BDH2: variants seen among roughly 807,000 people sequenced by gnomAD.
BDH2 encodes the protein 3-hydroxybutyrate dehydrogenase 2, also known as dehydrogenase/reductase SDR family member 6.
Under a neutral mutation model 33.2 loss-of-function variants are expected in BDH2, and 24 were observed. The ratio of observed to expected loss-of-function variants is 0.72; its 90% CI spans 0.52 to 1.02. BDH2 has a LOEUF of 1.02. Ranked by LOEUF, BDH2 falls within the 50% of genes least tolerant of loss-of-function variation. The probability of loss-of-function intolerance (pLI) is 0.00; values close to 1 mark genes in which losing one functional copy is unlikely to be tolerated. For synonymous variants in BDH2, 81 were observed against 101.6 expected (o/e 0.80, Z 1.22); for missense variants, 249 against 301.6 (o/e 0.83, Z 1.29).
At chr4:103,081,764 C>T (rs1190209521) in intron 9 of BDH2, among the ~76,000 whole-genome samples, 1 of 152,198 alleles carries the variant, frequency 6.6e-6, no homozygotes, top group African/African-American at 2.4e-5. Flanking sequence ...AATTTTTTGA[C>T]TTGCATTTAA....
chr4:103,090,006 G>A (rs1578505920), intron 5 of BDH2, among the ~76,000 whole-genome samples: 1 of 152,156 alleles, frequency 6.6e-6, no homozygotes, highest in African/African-American at 2.4e-5. Flanking sequence ...TTAACATTAG[G>A]TTGAATATTC....
Position 103,079,745 on chromosome 4 carries a change from A to C in BDH2, c.695T>G (p.Val232Gly), listed in dbSNP as rs1385969422. The change falls in exon 10 of 10, where the codon GTA becomes GGA. Residue 232 changes from valine to glycine, a missense_variant. Physicochemically the swap from Val to Gly is moderately radical, Grantham distance 109. Coordinates refer to ENST00000296424, the MANE Select transcript of BDH2 (RefSeq NM_020139.4). Reference protein sequence around the residue: ...VYLASDESAYVTGNPVIIDGG... With the variant: ...VYLASDESAYGTGNPVIIDGG... ...ATCAATGATGACAGGGTTACCAGTT[A>C]CATAAGCAGACTGCAGTGATAAACA... 7 of 1,613,732 alleles carry C rather than the reference A, an allele frequency of 4.3e-6. No homozygotes were observed. The South Asian group carries it at 7.7e-5, about 18-fold the overall frequency.
At chr4:103,086,359 G>A in intron 6 of BDH2, 121 bp downstream of exon 6, 1 of 1,380,602 alleles carries the variant, frequency 7.2e-7, no homozygotes, top group South Asian at 1.9e-5. Context: ...TTTGAAAAAA[G>A]CAGTTTTGAA....
chr4:103,093,347 C>T (rs2125810240), intron 3 of BDH2, among the ~76,000 whole-genome samples: 1 of 151,860 alleles, frequency 6.6e-6, no homozygotes, highest in East Asian at 1.9e-4. Context: ...CAGTCAAATA[C>T]ATGTATTTCT....
At position 103,096,215 on chromosome 4, in the gene BDH2, C is replaced by A. The variant is rs141115735; in HGVS notation, c.40G>T (p.Ala14Ser). The A allele has an allele frequency of 3.9e-5, 63 of 1,613,680 alleles. No individual in the cohort carries two copies. Among genetic ancestry groups the A allele is most frequent in the Non-Finnish European group, 5.1e-5 (60 of 1,179,688 alleles). Reference sequence around the variant, plus strand: ...GCTGCTTGGCCAATCCCCTGAGCAGCGGCCGTCAGGATGATGACTTTCCCA... The same window carrying A: ...GCTGCTTGGCCAATCCCCTGAGCAGAGGCCGTCAGGATGATGACTTTCCCA... ...LDGKVIILTA[A>S]AQGIGQAAAL... is the part of the protein sequence containing the mutation. Residue 14 changes from alanine (A) to serine (S), a missense_variant, in exon 2 of 10, where the codon GCT (alanine) becomes TCT (serine). Transcript: ENST00000296424.
chr4:103,085,222 T>G, intron 7 of BDH2, 127 bp downstream of exon 7: 1 of 690,188 alleles, frequency 1.4e-6, no homozygotes, highest in East Asian at 2.8e-5. Flanking sequence ...TCATTTTATC[T>G]GTTGCAACTA....
chr4:103,094,395 T>G (rs558379634), intron 3 of BDH2, among the ~76,000 whole-genome samples: 1 of 152,312 alleles, frequency 6.6e-6, no homozygotes, highest in East Asian at 1.9e-4. Context: ...TGAAATTTGC[T>G]AAGAGGGTAG....
chr4:103,082,187 C>G lies in BDH2; in HGVS notation c.592-14G>C. The G allele has an allele frequency of 6.2e-7, 1 of 1,607,780 alleles. No homozygotes were observed. The highest frequency in any genetic ancestry group is 1.1e-5 in the South Asian group (1 of 90,926). ...ATCATTCCGTGCCTGTGACCAGAGA[C>G]CATACCAGACATTAGTGATGGAAGC... On this transcript the variant is annotated splice_polypyrimidine_tract_variant and intron_variant, in intron 8 of 9. Transcript: ENST00000296424.
intron 1 of BDH2, chr4:103,099,451 AC>A (rs1307882279): frequency 6.6e-6 from 1 of 152,196 alleles, no homozygotes; most frequent in Non-Finnish European, 1.5e-5. Flanking sequence ...TGAAAACCAT[AC>A]ATGTTGGCTT....
intron 3 of BDH2, among the ~76,000 whole-genome samples, chr4:103,094,881 A>G (rs1048182615): frequency 1.3e-5 from 2 of 152,310 alleles, no homozygotes; most frequent in Non-Finnish European, 2.9e-5. Flanking sequence ...GGAGGAGGGC[A>G]CAGAAGTGAA....
chr4:103,093,133 T>C (rs1158807290), intron 3 of BDH2, among the ~76,000 whole-genome samples: 5 of 152,082 alleles, frequency 3.3e-5, no homozygotes, highest in Admixed American at 2.6e-4. Context: ...GAAATAAAAA[T>C]TGCATATATT....
At position 103,085,295 on chromosome 4, in the gene BDH2, G is replaced by T. The variant is rs534692380; in HGVS notation, c.532+54C>A. 497 of 1,370,956 alleles carry T rather than the reference G, an allele frequency of 3.6e-4. 1 individual carries two copies. The highest frequency in any genetic ancestry group is 9.6e-5 in the Non-Finnish European group (94 of 981,048). The allele number at this position is 1,370,956 out of a possible 1,614,324, so 84.9% of individuals were successfully genotyped here. A position where few individuals can be genotyped will look rare whatever the true frequency, so the allele number is the denominator to read the frequency against. ...ATAGGCAATAACATAAGCAAATTGG[G>T]TGTGGAAGTGTTTCAGTAAAACTTT... On this transcript the variant is annotated intron_variant, in intron 7 of 9. Coordinates refer to ENST00000296424, the MANE Select transcript of BDH2 (RefSeq NM_020139.4).
At position 103,082,102 on chromosome 4, in the gene BDH2, G is replaced by T; in HGVS notation, c.663C>A (p.Cys221Ter). ...FATAEEIAML[C>*]VYLASDESAY... is the part of the protein sequence containing the mutation. Reference sequence around the variant, plus strand: ...TTACTTCATCAGAAGCCAAATACACGCAGAGCATGGCTATTTCTTCTGCAG... The same window carrying T: ...TTACTTCATCAGAAGCCAAATACACTCAGAGCATGGCTATTTCTTCTGCAG... The change falls in exon 9 of 10, where the codon TGC (cysteine) becomes TGA (stop). Residue 221 changes from cysteine (C) to a stop codon, truncating the protein, a stop_gained. Transcript: ENST00000296424. LOFTEE classifies it high-confidence loss of function. 6.2e-7 allele frequency: 1 copy of T among 1,614,068 alleles called. No individual in the cohort carries two copies. The highest frequency in any genetic ancestry group is 1.1e-5 in the South Asian group (1 of 91,084).
rs537818165 is a variant in BDH2 at position 103,086,309 on chromosome 4, C to T, written c.418+171G>A. ...ATTTAATTTTACCACTGGCTCACAT[C>T]GAGAGCAAAAGATCTGTGGTTAAGG... On this transcript the variant is annotated intron_variant, in intron 6 of 9. Coordinates refer to ENST00000296424, the MANE Select transcript of BDH2 (RefSeq NM_020139.4). 223 of 1,331,536 alleles carry T rather than the reference C, an allele frequency of 1.7e-4. 2 individuals are homozygous for T. In the African/African-American group the frequency reaches 2.9e-3, roughly 17 times the overall value. The allele number at this position is 1,331,536 out of a possible 1,614,324, so 82.5% of individuals were successfully genotyped here. A position where few individuals can be genotyped will look rare whatever the true frequency, so the allele number is the denominator to read the frequency against.
At chr4:103,095,134 A>G (rs960990195) in intron 3 of BDH2, 69 bp downstream of exon 3, 2 of 1,261,664 alleles carry the variant, frequency 1.6e-6, no homozygotes, top group Non-Finnish European at 2.3e-6. Flanking sequence ...TTCTTTCAAC[A>G]TGTGAGCGCC....
chr4:103,088,215 G>T (rs930849003), intron 5 of BDH2, among the ~76,000 whole-genome samples: 6 of 152,172 alleles, frequency 3.9e-5, no homozygotes, highest in Non-Finnish European at 7.4e-5. Flanking sequence ...AAGTGTAATG[G>T]TGTTGAAAAG....
Position 103,079,477 on chromosome 4 carries a change from A to G in BDH2, c.*225T>C, listed in dbSNP as rs1472102275. 3 of 520,448 alleles carry G rather than the reference A, an allele frequency of 5.8e-6. No individual in the cohort carries two copies. The highest frequency in any genetic ancestry group is 1.0e-5 in the Non-Finnish European group (3 of 293,122). 32.2% of individuals were successfully genotyped at this position (520,448 alleles called of 1,614,324 possible). A position where few individuals can be genotyped will look rare whatever the true frequency, so the allele number is the denominator to read the frequency against. ...TTATTTTAAAAACTATTCTCCTGCT[A>G]TGAGTTCAATATTTTTATTTCTTTA... On this transcript the variant is annotated 3_prime_UTR_variant, in exon 10 of 10. Transcript: ENST00000296424.
At chr4:103,083,325 G>A (rs1214420955) in intron 7 of BDH2, among the ~76,000 whole-genome samples, 1 of 152,122 alleles carries the variant, frequency 6.6e-6, no homozygotes, top group East Asian at 1.9e-4. Flanking sequence ...CCAGCTTAAG[G>A]AGCCAGTTTG....
chr4:103,094,684 A>T (rs1036936687), intron 3 of BDH2, among the ~76,000 whole-genome samples: 2 of 152,082 alleles, frequency 1.3e-5, no homozygotes, highest in African/African-American at 2.4e-5. Context: ...GTAAGAAAAA[A>T]TTAAAATATT....
Sources: gnomAD v4.1 joint callset for allele counts (sites outside exome capture counted in the v4.1 genomes callset) on GRCh38, gnomAD v4.1.1 for gene constraint, MANE v1.5 for transcripts, NCBI Gene and HGNC (gene_info 2026-07-23, HGNC 2026-07-21) for gene names.